Variants in R3HDM1 observed in about 807,000 individuals in gnomAD.
R3HDM1 encodes R3H domain-containing protein 1.
A neutral mutation model predicts 141.1 loss-of-function variants in R3HDM1; 46 were observed. The observed-to-expected ratio is 0.33, with a 90% CI of 0.26 to 0.42. R3HDM1 has a LOEUF of 0.42. R3HDM1 is among the 10% of genes least tolerant of loss of function. R3HDM1 has a pLI of 1.00. For missense variants in R3HDM1, 1,184 were observed against 1,368.3 expected, an observed-to-expected ratio of 0.87 and a Z score of 2.12; for synonymous variants, 435 against 472.9, an observed-to-expected ratio of 0.92 and a Z score of 1.04.
chr2:135,648,307 CGTTGT>C (rs2064708844), intron 16 of R3HDM1, among the ~76,000 whole-genome samples: 1 of 151,604 alleles, frequency 6.6e-6, no homozygotes, highest in African/African-American at 2.4e-5. Context: ...TTTTAGAAAC[CGTTGT>C]GTTGATTTTG....
At position 135,675,258 on chromosome 2, in the gene R3HDM1, C is replaced by A; in HGVS notation, c.2153-74C>A. The A allele has an allele frequency of 2.2e-6, 3 of 1,384,286 alleles. No individual in the cohort carries two copies. In the South Asian group the frequency reaches 4.7e-5, roughly 22 times the overall value. 85.8% of individuals were successfully genotyped at this position (1,384,286 alleles called of 1,614,324 possible). On this transcript the variant is annotated intron_variant, in intron 19 of 26. Coordinates refer to ENST00000683871, the MANE Select transcript of R3HDM1 (RefSeq NM_001378107.1). The stretch of plus-strand genomic sequence containing the variant: ...TATCATTTTAGAGCATAAAAGTACT[C>A]GCTTAAATTTTTTTTTAAATCTTAC...
intron 17 of R3HDM1, chr2:135,650,812 A>G (rs2065072460): frequency 1.0e-6 from 1 of 984,196 alleles, no homozygotes; most frequent in African/African-American, 1.7e-5. Context: ...CAGCAGATCT[A>G]GAAACTGCAG....
intron 21 of R3HDM1, among the ~76,000 whole-genome samples, chr2:135,699,951 A>T (rs752056833): frequency 6.6e-6 from 1 of 152,222 alleles, no homozygotes; most frequent in Non-Finnish European, 1.5e-5. Context: ...TATAGTTAGC[A>T]ATACTGTGCA....
At chr2:135,652,275 A>G (rs1327400743) in intron 18 of R3HDM1, among the ~76,000 whole-genome samples, 2 of 152,098 alleles carry the variant, frequency 1.3e-5, no homozygotes, top group South Asian at 2.1e-4. Context: ...TCTGAGAGGT[A>G]TGGGTTTCTA....
chr2:135,707,261 T>A (rs1232993976), intron 21 of R3HDM1, among the ~76,000 whole-genome samples: 1 of 152,222 alleles, frequency 6.6e-6, no homozygotes, highest in Non-Finnish European at 1.5e-5. Flanking sequence ...AACTGATTCA[T>A]CTCTGGTATA....
chr2:135,605,102 ATTCTAAAAGGGTAAGTTGACCCTTC>A (rs1401777645), intron 3 of R3HDM1, 86 bp downstream of exon 3: 2 of 1,213,580 alleles, frequency 1.6e-6, no homozygotes, highest in African/African-American at 3.1e-5. Flanking sequence ...ACTTCTCAAA[ATTCTAAAAGGGTAAGTTGACCCTTC>A]GTGACATGCT....
chr2:135,686,144 CTGT>C (rs1388521437), intron 21 of R3HDM1, among the ~76,000 whole-genome samples: 2 of 151,986 alleles, frequency 1.3e-5, no homozygotes, highest in African/African-American at 4.8e-5. Context: ...GTTAAAATGG[CTGT>C]TATCAAAAAA....
rs2076791725 is a variant in R3HDM1, at chr2:135,722,524, C to T, written c.3020C>T (p.Ala1007Val). ...NRGRRQAKKA[A>V]STDLGAGETV... ...GGAAGGAGACAAGCTAAAAAAGCTG[C>T]ATCCACAGACCTTGGAGCAGGAGAA... is the stretch of plus-strand genomic sequence containing the variant. Residue 1007 changes from alanine to valine, a missense_variant, in exon 26 of 27, where the codon GCA becomes GTA. By Grantham distance (64) the Ala-to-Val change is moderately conservative (BLOSUM62 0). Transcript: ENST00000683871. The T allele has an allele frequency of 1.9e-6, 3 of 1,613,470 alleles. No individual in the cohort carries two copies. The highest frequency in any genetic ancestry group is 2.7e-5 in the African/African-American group (2 of 74,814).
intron 3 of R3HDM1, among the ~76,000 whole-genome samples, chr2:135,611,450 T>C (rs1355560890): frequency 6.6e-6 from 1 of 152,116 alleles, no homozygotes; most frequent in African/African-American, 2.4e-5. Flanking sequence ...GCCTAGCAAA[T>C]GGTAGGTGCT....
intron 1 of R3HDM1, among the ~76,000 whole-genome samples, chr2:135,570,263 A>G (rs1261225111): frequency 6.6e-6 from 1 of 152,208 alleles, no homozygotes; most frequent in Non-Finnish European, 1.5e-5. Context: ...TTCATTTGCT[A>G]CACAAGTTCA....
At chr2:135,574,982 C>T (rs11885175) in intron 1 of R3HDM1, among the ~76,000 whole-genome samples, 10,354 of 152,038 alleles carry the variant, frequency 0.068, 724 homozygotes, top group African/African-American at 0.18. Flanking sequence ...TTAGATACAT[C>T]GATTTAAGGC....
chr2:135,724,314 C>A lies in R3HDM1; in HGVS notation c.*22C>A. ...GTAACAGCCACCTTTGGACCCTTCG[C>A]CTTTATGGTTCCCCTGCCCTCTCCC... On this transcript the variant is annotated 3_prime_UTR_variant, in exon 27 of 27. Transcript: ENST00000683871. 6.5e-7 allele frequency: 1 copy of A among 1,530,314 alleles called. No individual in the cohort carries two copies. The highest frequency in any genetic ancestry group is 1.2e-5 in the South Asian group (1 of 84,626). The allele number at this position is 1,530,314 out of a possible 1,614,324, so 94.8% of individuals were successfully genotyped here.
intron 21 of R3HDM1, among the ~76,000 whole-genome samples, chr2:135,699,729 T>C (rs1307317304): frequency 1.3e-5 from 2 of 152,214 alleles, no homozygotes; most frequent in Non-Finnish European, 2.9e-5. Context: ...ATGTGACAAG[T>C]ATGCCTAATA....
chr2:135,618,644 A>G (rs1040074075), intron 5 of R3HDM1, among the ~76,000 whole-genome samples: 2 of 152,264 alleles, frequency 1.3e-5, no homozygotes, highest in Non-Finnish European at 2.9e-5. Context: ...TGGCTTTTGC[A>G]TGATTGTAAT....
intron 21 of R3HDM1, among the ~76,000 whole-genome samples, chr2:135,692,683 TA>T (rs34473089): frequency 6.6e-6 from 1 of 150,924 alleles, no homozygotes; most frequent in African/African-American, 2.4e-5. Context: ...TGAGACTCTT[TA>T]AAAAAAAAGG....
chr2:135,595,916 A>C (rs973499595), intron 1 of R3HDM1, among the ~76,000 whole-genome samples: 7 of 152,206 alleles, frequency 4.6e-5, no homozygotes, highest in Admixed American at 6.5e-5. Context: ...TGTAGCTAAA[A>C]TCATTCTCCC....
intron 1 of R3HDM1, chr2:135,559,050 A>AGTGTGTGTGTGTGTGTGTGT (rs10684618): frequency 1.2e-6 from 1 of 830,172 alleles, no homozygotes; most frequent in African/African-American, 2.1e-5. Context: ...GATTCCACAA[A>AGTGTGTGTGTGTGTGTGTGT]GTGTGTGTGT....
chr2:135,572,641 A>G (rs932989161), intron 1 of R3HDM1, among the ~76,000 whole-genome samples: 1 of 152,240 alleles, frequency 6.6e-6, no homozygotes, highest in African/African-American at 2.4e-5. Context: ...ATTTTACCCA[A>G]CAAGTCAACC....
intron 21 of R3HDM1, among the ~76,000 whole-genome samples, chr2:135,706,130 A>G (rs905070908): frequency 2.2e-4 from 31 of 140,770 alleles, no homozygotes; most frequent in South Asian, 6.7e-4. Flanking sequence ...CTCCATCTCG[A>G]AAAAAAAAAA....
Sources: allele counts gnomAD v4.1 joint callset (sites outside exome capture counted in the v4.1 genomes callset), GRCh38; gene constraint gnomAD v4.1.1; transcripts MANE v1.5; gene names NCBI Gene and HGNC (gene_info 2026-07-23, HGNC 2026-07-21).